Variants in AGBL1 observed in about 807,000 individuals in gnomAD.
AGBL1 encodes cytosolic carboxypeptidase 4.
A neutral mutation model predicts 118.9 loss-of-function variants in AGBL1; 130 were observed. That is an observed-to-expected ratio of 1.09 (90% CI 0.95 to 1.26). The LOEUF is 1.26. AGBL1 is among the 50% of genes most tolerant of loss of function. The pLI is 0.00. For synonymous variants in AGBL1, 555 were observed against 478.9 expected (o/e 1.16, Z -2.08); for missense variants, 1,584 against 1,298.1 (o/e 1.22, Z -3.38).
At chr15:86,145,330 G>A (rs2077018407) in intron 3 of AGBL1, among the ~76,000 whole-genome samples, 1 of 152,160 alleles carries the variant, frequency 6.6e-6, no homozygotes, top group Non-Finnish European at 1.5e-5. Context: ...AGGCTCCATA[G>A]TCATTTCTCT....
chr15:86,748,330 G>GT (rs1292604353), intron 22 of AGBL1, among the ~76,000 whole-genome samples: 1 of 151,674 alleles, frequency 6.6e-6, no homozygotes, highest in African/African-American at 2.4e-5. Context: ...GGGGTTGTTT[G>GT]TTTTTTTCTT....
chr15:86,264,524 T>C lies in AGBL1; in HGVS notation c.1353T>C (p.Ser451=). 1 of 1,614,050 alleles carries C rather than the reference T, an allele frequency of 6.2e-7. No homozygotes were observed. Among genetic ancestry groups the C allele is most frequent in the East Asian group, 2.2e-5 (1 of 44,890 alleles). Residue 451 remains serine, a synonymous_variant, in exon 11 of 23, where the codon TCT becomes TCC. Transcript: ENST00000614907. ...AATCCAATAGTCTCAGGAGAGATTCTTCTGAAAGTGAAATCCCTGACATTC... is the reference window on the plus strand; with the variant it reads ...AATCCAATAGTCTCAGGAGAGATTCCTCTGAAAGTGAAATCCCTGACATTC... ...NVQSNSLRRD[S]SESEIPDIQA...
intron 22 of AGBL1, among the ~76,000 whole-genome samples, chr15:86,794,325 T>C (rs1294295898): frequency 6.6e-6 from 1 of 152,188 alleles, no homozygotes; most frequent in African/African-American, 2.4e-5. Context: ...AAAACCATTA[T>C]GCTAAGTGAA....
At chr15:86,548,696 C>CAG (rs1555424795) in intron 20 of AGBL1, among the ~76,000 whole-genome samples, 3 of 146,392 alleles carry the variant, frequency 2.0e-5, no homozygotes, top group African/African-American at 7.5e-5. Context: ...CACACACACA[C>CAG]AGCCAGAAAT....
intron 18 of AGBL1, among the ~76,000 whole-genome samples, chr15:86,477,908 G>C (rs540378993): frequency 6.6e-6 from 1 of 152,108 alleles, no homozygotes; most frequent in African/African-American, 2.4e-5. Flanking sequence ...TTCATCCCTG[G>C]GATGCAAGGC....
intron 22 of AGBL1, among the ~76,000 whole-genome samples, chr15:86,753,397 CTTTTTTTTTTTTT>C (rs1555446759): frequency 9.0e-6 from 1 of 111,298 alleles, no homozygotes; most frequent in Non-Finnish European, 1.9e-5. Context: ...TTTTCTTTTT[CTTTTTTTTTTTTT>C]TTTTTGAGAC....
At chr15:86,818,482 A>T (rs1246610050) in intron 22 of AGBL1, among the ~76,000 whole-genome samples, 1 of 152,244 alleles carries the variant, frequency 6.6e-6, no homozygotes, top group Non-Finnish European at 1.5e-5. Context: ...GAGGTGGAAC[A>T]GTTTCATTCA....
chr15:86,619,296 G>T (rs901742414), intron 21 of AGBL1, among the ~76,000 whole-genome samples: 12 of 152,154 alleles, frequency 7.9e-5, no homozygotes, highest in African/African-American at 2.7e-4. Context: ...TACACTTGGT[G>T]TGTGGCCTAA....
chr15:86,310,738 G>A (rs1314441545), intron 17 of AGBL1, among the ~76,000 whole-genome samples: 1 of 152,132 alleles, frequency 6.6e-6, no homozygotes, highest in Non-Finnish European at 1.5e-5. Flanking sequence ...CACAGAAGCT[G>A]GCCTGGCAAA....
At chr15:86,850,516 T>G (rs560343582) in intron 22 of AGBL1, among the ~76,000 whole-genome samples, 1 of 152,356 alleles carries the variant, frequency 6.6e-6, no homozygotes, top group East Asian at 1.9e-4. Context: ...CCACATTGCC[T>G]GTCTTTGTTT....
chr15:86,655,731 T>C (rs972550362), intron 21 of AGBL1, among the ~76,000 whole-genome samples: 5 of 152,222 alleles, frequency 3.3e-5, no homozygotes, highest in African/African-American at 1.2e-4. Context: ...AAGTCATTGC[T>C]AACTTGCAGT....
At position 86,911,602 on chromosome 15, in the gene AGBL1, T is replaced by A. The variant is rs748851523; in HGVS notation, c.*4308T>A. 9 of 152,176 alleles carry A rather than the reference T, an allele frequency of 5.9e-5. No homozygotes were observed. The highest frequency in any genetic ancestry group is 1.3e-4 in the Non-Finnish European group (9 of 68,054). 9.4% of individuals were successfully genotyped at this position (152,176 alleles called of 1,614,324 possible). ...CTCATCGCACTTATGCTTGTGAGTG[T>A]CTACACACATATGCACATGCACAGT... On this transcript the variant is annotated 3_prime_UTR_variant, in exon 23 of 23. Coordinates refer to ENST00000614907, the MANE Select transcript of AGBL1 (RefSeq NM_001386094.1).
chr15:86,865,092 G>A (rs1336120637), intron 22 of AGBL1, among the ~76,000 whole-genome samples: 2 of 152,104 alleles, frequency 1.3e-5, no homozygotes, highest in African/African-American at 2.4e-5. Context: ...CTGATCCATC[G>A]TGGGAGTTAC....
chr15:86,710,825 C>G lies in AGBL1; in HGVS notation c.3158+36389C>G, dbSNP rs186864571. On this transcript the variant is annotated intron_variant, in intron 22 of 22. Transcript: ENST00000614907. ...TGCCAGGAATGGAGGGATAAGCAGA[C>G]AGTTTCAAGGTCAAATATTAGCACT... Among the ~76,000 whole-genome samples, 21 of 152,278 alleles carry G rather than the reference C, an allele frequency of 1.4e-4. No individual in the cohort carries two copies. In the East Asian group the frequency reaches 1.9e-3, roughly 14 times the overall value.
intron 17 of AGBL1, among the ~76,000 whole-genome samples, chr15:86,348,506 G>A (rs923923223): frequency 2.0e-5 from 3 of 152,198 alleles, no homozygotes; most frequent in African/African-American, 4.8e-5. Context: ...AGGGCCAGGC[G>A]CCGTGGCTTA....
At position 86,397,218 on chromosome 15, in the gene AGBL1, T is replaced by C. The variant is rs200895406; in HGVS notation, c.2375-148T>C. 1.1e-3 allele frequency: 643 copies of C among 559,766 alleles called. 16 individuals are homozygous for C. The South Asian group carries it at 0.03, about 26-fold the overall frequency. The allele number at this position is 559,766 out of a possible 1,614,324, so 34.7% of individuals were successfully genotyped here. On this transcript the variant is annotated intron_variant, in intron 17 of 22. Transcript: ENST00000614907. ...GAGAATACAAGATAAACTGAAAACA[T>C]TGAAGGAAACAAAATTCAAAACCTA...
Position 86,162,479 on chromosome 15 carries a change from A to G in AGBL1, c.488+3453A>G, listed in dbSNP as rs562818964. On this transcript the variant is annotated intron_variant, in intron 5 of 22. Coordinates refer to ENST00000614907, the MANE Select transcript of AGBL1 (RefSeq NM_001386094.1). The stretch of plus-strand genomic sequence containing the variant: ...AGCTCCAACCACATACTTGCTAGAG[A>G]GAAGGGACATGAAGAGCAATGTCAC... Among the ~76,000 whole-genome samples, 4 of 152,296 alleles carry G rather than the reference A, an allele frequency of 2.6e-5. No individual in the cohort carries two copies. In the East Asian group the frequency reaches 7.7e-4, roughly 29 times the overall value.
intron 22 of AGBL1, among the ~76,000 whole-genome samples, chr15:86,736,855 A>G (rs1596424525): frequency 6.6e-6 from 1 of 152,124 alleles, no homozygotes; most frequent in Non-Finnish European, 1.5e-5. Context: ...TTTTCTCTCT[A>G]AACTCCTAGG....
chr15:86,093,249 C>T (rs560190210), intron 1 of AGBL1, among the ~76,000 whole-genome samples: 44 of 152,216 alleles, frequency 2.9e-4, no homozygotes, highest in African/African-American at 1.1e-3. Flanking sequence ...AATTTGAAGA[C>T]TTGAAAAGGT....
Sources: allele counts gnomAD v4.1 joint callset (sites outside exome capture counted in the v4.1 genomes callset), GRCh38; gene constraint gnomAD v4.1.1; transcripts MANE v1.5; gene names NCBI Gene and HGNC (gene_info 2026-07-23, HGNC 2026-07-21).